EML6: variants seen among roughly 807,000 people sequenced by gnomAD.
EML6 encodes the protein echinoderm microtubule-associated protein-like 6.
In EML6, 154 loss-of-function variants were observed where a neutral mutation model predicts 240.1. The ratio of observed to expected loss-of-function variants is 0.64; its 90% CI spans 0.56 to 0.73. EML6 has a LOEUF of 0.73. EML6 is among the 30% of genes least tolerant of loss of function. The probability of loss-of-function intolerance (pLI) is 0.00; values close to 1 mark genes in which losing one functional copy is unlikely to be tolerated. For missense variants in EML6, 2,964 were observed against 2,474.6 expected (o/e 1.20, Z -4.20); for synonymous variants, 1,148 against 899.0 (o/e 1.28, Z -4.95).
At chr2:54,800,562 T>C (rs1040672052) in intron 2 of EML6, among the ~76,000 whole-genome samples, 4 of 152,140 alleles carry the variant, frequency 2.6e-5, no homozygotes, top group African/African-American at 9.7e-5. Context: ...TGAATTGACT[T>C]AGAGGCTGGC....
intron 9 of EML6, among the ~76,000 whole-genome samples, chr2:54,848,387 C>T (rs534097230): frequency 6.6e-6 from 1 of 152,284 alleles, no homozygotes; most frequent in South Asian, 2.1e-4. Context: ...CAGTTTATTA[C>T]ACTACATTCT....
intron 26 of EML6, among the ~76,000 whole-genome samples, chr2:54,924,778 G>T (rs763301345): frequency 2.0e-5 from 3 of 152,058 alleles, no homozygotes; most frequent in Non-Finnish European, 4.4e-5. Flanking sequence ...GGCCAGACTG[G>T]TCTCGAACTC....
At chr2:54,785,726 C>A (rs1394004753) in intron 2 of EML6, among the ~76,000 whole-genome samples, 1 of 151,944 alleles carries the variant, frequency 6.6e-6, no homozygotes, top group Admixed American at 6.6e-5. Context: ...ATAAAATAGA[C>A]CAGTGTTTAC....
In EML6 at chr2:54,971,386, G is replaced by A. The variant is rs897252536; in HGVS notation, c.*1291G>A. On this transcript the variant is annotated 3_prime_UTR_variant, in exon 42 of 42. Coordinates refer to ENST00000356458, the MANE Select transcript of EML6 (RefSeq NM_001039753.4). ...TGCTCACTGAAAGGAGAGTTGGTGCGGGACTGGTGGTTCTGAGCACATAGA... is the reference window on the plus strand; with the variant it reads ...TGCTCACTGAAAGGAGAGTTGGTGCAGGACTGGTGGTTCTGAGCACATAGA... 4 of 152,216 alleles carry A rather than the reference G, an allele frequency of 2.6e-5. No homozygotes were observed. The highest frequency in any genetic ancestry group is 9.6e-5 in the African/African-American group (4 of 41,454). 9.4% of individuals were successfully genotyped at this position (152,216 alleles called of 1,614,324 possible).
At chr2:54,818,055 G>A (rs1668157416) in intron 4 of EML6, among the ~76,000 whole-genome samples, 1 of 152,062 alleles carries the variant, frequency 6.6e-6, no homozygotes, top group Non-Finnish European at 1.5e-5. Flanking sequence ...TATTTTATCT[G>A]AGTTACTCTG....
chr2:54,930,671 C>G (rs911965118), intron 28 of EML6, among the ~76,000 whole-genome samples: 3 of 152,052 alleles, frequency 2.0e-5, no homozygotes, highest in African/African-American at 4.8e-5. Flanking sequence ...GTAATCAAAC[C>G]TTTTCTGTAG....
intron 26 of EML6, among the ~76,000 whole-genome samples, chr2:54,921,831 A>G (rs1452977258): frequency 6.6e-6 from 1 of 152,178 alleles, no homozygotes; most frequent in Non-Finnish European, 1.5e-5. Context: ...TAAGGAGAAG[A>G]CAGTCTCTTC....
chr2:54,742,937 A>G (rs1014817707), intron 2 of EML6, among the ~76,000 whole-genome samples: 1 of 152,238 alleles, frequency 6.6e-6, no homozygotes, highest in Non-Finnish European at 1.5e-5. Context: ...CAATTTTACC[A>G]TCAGCCGATT....
At position 54,967,155 on chromosome 2, in the gene EML6, G is replaced by A. The variant is rs1676784297; in HGVS notation, c.5597+52G>A. ...GGAAAAGGTCACAAGGGAGTCTCTT[G>A]TCTCACTCAGGCTCAGCCTCCAAGT... On this transcript the variant is annotated intron_variant, in intron 39 of 41. Transcript: ENST00000356458. 5 of 1,204,500 alleles carry A rather than the reference G, an allele frequency of 4.2e-6. No homozygotes were observed. In the East Asian group the frequency reaches 1.3e-4, roughly 31 times the overall value. 74.6% of individuals were successfully genotyped at this position (1,204,500 alleles called of 1,614,324 possible).
chr2:54,924,245 A>C (rs1394106702), intron 26 of EML6, among the ~76,000 whole-genome samples: 2 of 152,214 alleles, frequency 1.3e-5, no homozygotes, highest in Non-Finnish European at 2.9e-5. Context: ...TAAGAGTTCC[A>C]GTTGCTGATA....
chr2:54,903,500 G>C lies in EML6; in HGVS notation c.3407G>C (p.Arg1136Thr). The C allele has an allele frequency of 1.3e-6, 2 of 1,548,354 alleles. No homozygotes were observed. Among genetic ancestry groups the C allele is most frequent in the Non-Finnish European group, 1.7e-6 (2 of 1,145,804 alleles). ...SYITHIDWDS[R>T]GKLLQVNSGA... ...ATTACACACATTGACTGGGACTCTA[G>C]AGGTAAAGTATGTTGTGGCTTTTAA... The change falls in exon 24 of 42, where the codon AGA becomes ACA. Residue 1136 changes from arginine (R) to threonine (T), a missense_variant and splice_region_variant. Transcript: ENST00000356458.
At chr2:54,941,181 A>G (rs925770691) in intron 28 of EML6, among the ~76,000 whole-genome samples, 3 of 152,218 alleles carry the variant, frequency 2.0e-5, no homozygotes, top group Admixed American at 6.5e-5. Flanking sequence ...CATAGTTTCA[A>G]TATTTTCAAT....
At chr2:54,942,207 A>C (rs1024350126) in intron 28 of EML6, among the ~76,000 whole-genome samples, 5 of 152,230 alleles carry the variant, frequency 3.3e-5, no homozygotes, top group African/African-American at 7.2e-5. Flanking sequence ...GCCAGTGTAT[A>C]AAAATCCAGA....
At chr2:54,876,959 A>G (rs2103959420) in intron 16 of EML6, among the ~76,000 whole-genome samples, 1 of 150,976 alleles carries the variant, frequency 6.6e-6, no homozygotes, top group South Asian at 2.1e-4. Context: ...CTTTGTACTC[A>G]CTCTTGACTC....
At chr2:54,799,966 C>T (rs1670031608) in intron 2 of EML6, among the ~76,000 whole-genome samples, 1 of 152,172 alleles carries the variant, frequency 6.6e-6, no homozygotes, top group African/African-American at 2.4e-5. Flanking sequence ...GGGGTTTCGG[C>T]CAGGTGTGGT....
rs560428246 is a variant in EML6, at chr2:54,928,367, G to A, written c.3730G>A (p.Val1244Met). 77 of 1,551,966 alleles carry A rather than the reference G, an allele frequency of 5.0e-5. No individual in the cohort carries two copies. The highest frequency in any genetic ancestry group is 3.8e-4 in the South Asian group (32 of 84,044). The change falls in exon 27 of 42, where the codon GTG becomes ATG. Residue 1244 changes from valine (V) to methionine (M), a missense_variant. By Grantham distance (21) the Val-to-Met change is conservative (BLOSUM62 1). Transcript: ENST00000356458. ...GGGGCACAGTGCACATGTCACTAAC[G>A]TGAGGTGGCTGCACAATGACTCTGT... Reference protein sequence around the residue: ...YVGHSAHVTNVRWLHNDSVLL... With the variant: ...YVGHSAHVTNMRWLHNDSVLL...
intron 32 of EML6, among the ~76,000 whole-genome samples, chr2:54,956,489 C>T (rs915936554): frequency 2.0e-5 from 3 of 152,130 alleles, no homozygotes; most frequent in African/African-American, 4.8e-5. Context: ...GCTTTCTTCC[C>T]GTATGTTGTG....
chr2:54,912,931 G>A (rs1673716588), intron 25 of EML6, among the ~76,000 whole-genome samples: 1 of 152,108 alleles, frequency 6.6e-6, no homozygotes, highest in African/African-American at 2.4e-5. Context: ...ACCCAGTAAT[G>A]GTATTGCTGA....
intron 28 of EML6, among the ~76,000 whole-genome samples, chr2:54,945,703 C>T (rs1209260770): frequency 6.6e-6 from 1 of 152,232 alleles, no homozygotes; most frequent in African/African-American, 2.4e-5. Context: ...CCACCTCTTG[C>T]TCTGTCAGCC....
Sources: allele counts gnomAD v4.1 joint callset (sites outside exome capture counted in the v4.1 genomes callset), GRCh38; gene constraint gnomAD v4.1.1; transcripts MANE v1.5; gene names NCBI Gene and HGNC (gene_info 2026-07-23, HGNC 2026-07-21).